POC1A: variants seen among roughly 807,000 people sequenced by gnomAD.
POC1A encodes the protein POC1 centriolar protein A.
In POC1A, 34 loss-of-function variants were observed where a neutral mutation model predicts 47.8. The ratio of observed to expected loss-of-function variants is 0.71; its 90% CI spans 0.54 to 0.95. The LOEUF (loss-of-function observed/expected upper bound fraction) is 0.95, where lower values mean the gene tolerates loss of function less well. POC1A is among the 40% of genes least tolerant of loss of function. The pLI, the probability that POC1A is intolerant of heterozygous loss-of-function variation, is 0.00. For missense variants in POC1A, 466 were observed against 528.3 expected, an observed-to-expected ratio of 0.88 and a Z score of 1.16; for synonymous variants, 177 against 207.6, an observed-to-expected ratio of 0.85 and a Z score of 1.27.
chr3:52,085,628 G>C (rs554055809), intron 10 of POC1A, among the ~76,000 whole-genome samples: 4 of 152,304 alleles, frequency 2.6e-5, no homozygotes, highest in East Asian at 3.9e-4. Context: ...TGGGCCCTTG[G>C]AAAATGCCAC....
At chr3:52,083,583 A>G (rs997236081) in intron 10 of POC1A, among the ~76,000 whole-genome samples, 1 of 151,914 alleles carries the variant, frequency 6.6e-6, no homozygotes, top group African/African-American at 2.4e-5. Context: ...CTTGTCCTGC[A>G]CTTTTTTCTT....
rs368060191 is a variant in POC1A, at chr3:52,146,910, C to T, written c.563+78G>A. ...GTCCCACGGCTCCAGCCACTGAAGG[C>T]CACTGGGCCTCCTCATGCCCAGGTC... On this transcript the variant is annotated intron_variant, in intron 5 of 10. Transcript: ENST00000296484. 5.3e-4 allele frequency: 617 copies of T among 1,169,494 alleles called. 5 individuals carry two copies. In the South Asian group the frequency reaches 7.3e-3, roughly 14 times the overall value. 72.4% of individuals were successfully genotyped at this position (1,169,494 alleles called of 1,614,324 possible). A position where few individuals can be genotyped will look rare whatever the true frequency, so the allele number is the denominator to read the frequency against.
intron 7 of POC1A, among the ~76,000 whole-genome samples, chr3:52,131,306 C>A (rs1704202245): frequency 6.6e-6 from 1 of 152,152 alleles, no homozygotes; most frequent in Non-Finnish European, 1.5e-5. Context: ...CTCTGAACAA[C>A]CGTGGTAGTT....
chr3:52,144,534 G>C (rs1316330256), intron 6 of POC1A, among the ~76,000 whole-genome samples: 1 of 152,132 alleles, frequency 6.6e-6, no homozygotes, highest in African/African-American at 2.4e-5. Context: ...ACAGGACCAA[G>C]ACAGTGTCAT....
intron 9 of POC1A, among the ~76,000 whole-genome samples, chr3:52,109,409 C>T (rs1703302555): frequency 6.6e-6 from 1 of 151,978 alleles, no homozygotes; most frequent in Non-Finnish European, 1.5e-5. Context: ...GGGTTTGTTA[C>T]ATTATTCTAT....
At chr3:52,144,020 T>C (rs941275905) in intron 6 of POC1A, among the ~76,000 whole-genome samples, 1 of 152,232 alleles carries the variant, frequency 6.6e-6, no homozygotes. Context: ...TCAGGACTTA[T>C]GTAGCACAAA....
intron 7 of POC1A, among the ~76,000 whole-genome samples, chr3:52,136,211 GTTCCTGTAT>G (rs1241803498): frequency 1.3e-5 from 2 of 152,122 alleles, no homozygotes; most frequent in African/African-American, 4.8e-5. Context: ...TCAATCCTAA[GTTCCTGTAT>G]TTGATAGGGA....
intron 9 of POC1A, among the ~76,000 whole-genome samples, chr3:52,102,899 GC>G (rs1703047032): frequency 6.6e-6 from 1 of 152,052 alleles, no homozygotes; most frequent in Non-Finnish European, 1.5e-5. Flanking sequence ...AACTAGAAAA[GC>G]CAAAATAATT....
intron 9 of POC1A, among the ~76,000 whole-genome samples, chr3:52,104,092 T>C (rs915001873): frequency 6.6e-6 from 1 of 152,150 alleles, no homozygotes; most frequent in African/African-American, 2.4e-5. Context: ...ATAGCCCAAA[T>C]GCTCACCAAC....
chr3:52,129,139 G>T (rs6784807), intron 7 of POC1A, among the ~76,000 whole-genome samples: 136,093 of 152,038 alleles, frequency 0.9, 61,182 homozygotes, highest in African/African-American at 0.97. Flanking sequence ...ATTAGCCAGG[G>T]GCGGTGGCAC....
chr3:52,085,214 C>T (rs1702419451), intron 10 of POC1A, among the ~76,000 whole-genome samples: 1 of 152,152 alleles, frequency 6.6e-6, no homozygotes, highest in Non-Finnish European at 1.5e-5. Context: ...CTCAGGCAGG[C>T]ACCCCATCCC....
chr3:52,148,039 CCT>C (rs769338366), intron 4 of POC1A, among the ~76,000 whole-genome samples: 11 of 152,224 alleles, frequency 7.2e-5, no homozygotes, highest in Admixed American at 3.3e-4. Flanking sequence ...CAGCACTGCC[CCT>C]GACGCACAGC....
intron 7 of POC1A, among the ~76,000 whole-genome samples, chr3:52,134,823 T>A (rs1019692033): frequency 1.3e-5 from 2 of 150,566 alleles, no homozygotes; most frequent in African/African-American, 4.9e-5. Flanking sequence ...AAAAAATGCT[T>A]TCCAATCTGC....
At chr3:52,151,402 A>G (rs1184170273) in intron 1 of POC1A, among the ~76,000 whole-genome samples, 2 of 152,236 alleles carry the variant, frequency 1.3e-5, no homozygotes, top group African/African-American at 4.8e-5. Context: ...TACACTAGCA[A>G]TGAATAATCC....
chr3:52,107,027 G>C (rs572884890), intron 9 of POC1A, among the ~76,000 whole-genome samples: 27 of 152,262 alleles, frequency 1.8e-4, no homozygotes, highest in Non-Finnish European at 2.2e-4. Context: ...CTATCTTACT[G>C]AAGTGACACA....
chr3:52,147,952 T>A (rs1429500250), intron 4 of POC1A, among the ~76,000 whole-genome samples: 8 of 142,802 alleles, frequency 5.6e-5, no homozygotes, highest in Admixed American at 1.4e-4. Context: ...CAAACATAAA[T>A]AAACAAAAAG....
intron 10 of POC1A, among the ~76,000 whole-genome samples, chr3:52,081,713 G>A (rs1380980409): frequency 6.6e-6 from 1 of 152,148 alleles, no homozygotes; most frequent in African/African-American, 2.4e-5. Context: ...AGAGCAGGAG[G>A]GTGCTGGGGG....
chr3:52,090,860 T>A lies in POC1A; in HGVS notation c.1125+5709A>T, dbSNP rs1329264664. Among the ~76,000 whole-genome samples, 1 of 151,980 alleles carries A rather than the reference T, an allele frequency of 6.6e-6. No individual in the cohort carries two copies. The highest frequency in any genetic ancestry group is 1.5e-5 in the Non-Finnish European group (1 of 67,972). On this transcript the variant is annotated intron_variant, in intron 10 of 10. Coordinates refer to ENST00000296484, the MANE Select transcript of POC1A (RefSeq NM_015426.5). The surrounding 1 kb of genome is among the most constrained non-coding windows in gnomAD (Gnocchi z 4.2). ...GTGCTCAGAATGGAGGAGCCTGGCCTGGGGGGCAGGCAGATGAAAAGGCCC... is the reference window on the plus strand; with the variant it reads ...GTGCTCAGAATGGAGGAGCCTGGCCAGGGGGGCAGGCAGATGAAAAGGCCC...
At chr3:52,116,758 A>C (rs770883692) in intron 9 of POC1A, among the ~76,000 whole-genome samples, 6 of 152,170 alleles carry the variant, frequency 3.9e-5, no homozygotes, top group African/African-American at 4.8e-5. Flanking sequence ...TAAAGTAGCT[A>C]AAGCTTGGTG....
Sources: allele counts gnomAD v4.1 joint callset (sites outside exome capture counted in the v4.1 genomes callset), GRCh38; gene constraint gnomAD v4.1.1; non-coding constraint Gnocchi (gnomAD v3.1); transcripts MANE v1.5; gene names NCBI Gene and HGNC (gene_info 2026-07-23, HGNC 2026-07-21).